LYPLAL1: variants seen among roughly 807,000 people sequenced by gnomAD.
The protein encoded by LYPLAL1 is lysophospholipase like 1.
A neutral mutation model predicts 19.7 loss-of-function variants in LYPLAL1; 23 were observed. That is an observed-to-expected ratio of 1.17 (90% confidence interval 0.84 to 1.65). The LOEUF is 1.65. LYPLAL1 is among the 40% of genes most tolerant of loss of function. The probability of loss-of-function intolerance (pLI) is 0.00; values close to 1 mark genes in which losing one functional copy is unlikely to be tolerated. For missense variants in LYPLAL1, 355 were observed against 279.4 expected, an observed-to-expected ratio of 1.27 and a Z score of -1.93; for synonymous variants, 119 against 96.3, an observed-to-expected ratio of 1.24 and a Z score of -1.38.
chr1:219,354,071 C>T, the LYPLAL1 span, among the ~76,000 whole-genome samples: 1 of 151,990 alleles, frequency 6.6e-6, no homozygotes, highest in African/African-American at 2.4e-5. Flanking sequence ...AACTGAAGTA[C>T]AGAGAAGAAA....
In LYPLAL1 at chr1:219,211,818, A is replaced by G; in HGVS notation, c.*90A>G. 1.2e-6 allele frequency: 1 copy of G among 822,880 alleles called. No individual in the cohort carries two copies. Among genetic ancestry groups the G allele is most frequent in the Non-Finnish European group, 1.9e-6 (1 of 538,282 alleles). 51.0% of individuals were successfully genotyped at this position (822,880 alleles called of 1,614,324 possible). A position where few individuals can be genotyped will look rare whatever the true frequency, so the allele number is the denominator to read the frequency against. On this transcript the variant is annotated 3_prime_UTR_variant, in exon 5 of 5. Coordinates refer to ENST00000366928, the MANE Select transcript of LYPLAL1 (RefSeq NM_138794.5). ...AATTATAATGATAATTAAAATATTA[A>G]GAAATAACACTTTCCTGACTTTTTT... is the stretch of plus-strand genomic sequence containing the variant.
chr1:219,309,417 G>T, the LYPLAL1 span, among the ~76,000 whole-genome samples: 1 of 152,226 alleles, frequency 6.6e-6, no homozygotes, highest in East Asian at 1.9e-4. Context: ...AGGCATAATT[G>T]GTTTTGAAAT....
the LYPLAL1 span, among the ~76,000 whole-genome samples, chr1:219,250,876 G>T: frequency 6.6e-6 from 1 of 151,846 alleles, no homozygotes; most frequent in East Asian, 1.9e-4. Context: ...TTGAGGAATC[G>T]CCATACTGCT....
the LYPLAL1 span, among the ~76,000 whole-genome samples, chr1:219,434,554 C>G: frequency 6.6e-6 from 1 of 152,190 alleles, no homozygotes; most frequent in Non-Finnish European, 1.5e-5. Flanking sequence ...TAATGCATTT[C>G]TATGAAATTA....
At chr1:219,419,246 C>T in the LYPLAL1 span, among the ~76,000 whole-genome samples, 1 of 152,108 alleles carries the variant, frequency 6.6e-6, no homozygotes, top group Non-Finnish European at 1.5e-5. Flanking sequence ...AACCATCTTC[C>T]CACTGTTTAG....
At chr1:219,264,051 C>G in the LYPLAL1 span, among the ~76,000 whole-genome samples, 1 of 152,206 alleles carries the variant, frequency 6.6e-6, no homozygotes, top group East Asian at 1.9e-4. Context: ...TGTCTCCCAT[C>G]TGCCATTTTC....
the LYPLAL1 span, among the ~76,000 whole-genome samples, chr1:219,382,084 G>C: frequency 6.6e-6 from 1 of 152,134 alleles, no homozygotes; most frequent in African/African-American, 2.4e-5. Flanking sequence ...TATTGTCCAG[G>C]GTGTGTTGGT....
chr1:219,244,352 A>T, the LYPLAL1 span, among the ~76,000 whole-genome samples: 1 of 152,226 alleles, frequency 6.6e-6, no homozygotes, highest in Non-Finnish European at 1.5e-5. Flanking sequence ...TGATAGGAGA[A>T]TGCCTCTTGG....
chr1:219,305,956 G>C, the LYPLAL1 span, among the ~76,000 whole-genome samples: 12 of 152,150 alleles, frequency 7.9e-5, no homozygotes, highest in African/African-American at 2.4e-4. Flanking sequence ...CCCATTTCCA[G>C]ATTAAAGATA....
chr1:219,331,716 C>G, the LYPLAL1 span, among the ~76,000 whole-genome samples: 3 of 152,236 alleles, frequency 2.0e-5, no homozygotes, highest in Non-Finnish European at 4.4e-5. Context: ...GGTATTGGAG[C>G]CAACAATCCA....
At chr1:219,268,739 T>A in the LYPLAL1 span, among the ~76,000 whole-genome samples, 1 of 152,216 alleles carries the variant, frequency 6.6e-6, no homozygotes, top group South Asian at 2.1e-4. Context: ...AGGGAAACTC[T>A]TGTCAATTTC....
the LYPLAL1 span, among the ~76,000 whole-genome samples, chr1:219,415,961 G>A: frequency 7.2e-5 from 11 of 152,160 alleles, no homozygotes; most frequent in South Asian, 1.9e-3. Flanking sequence ...GTCATTTTTC[G>A]TCAGTTTTGA....
the LYPLAL1 span, among the ~76,000 whole-genome samples, chr1:219,309,693 C>T: frequency 6.6e-6 from 1 of 152,178 alleles, no homozygotes; most frequent in Non-Finnish European, 1.5e-5. Context: ...TAAGAAATGC[C>T]TTTTGCCTTC....
At chr1:219,325,102 A>T in the LYPLAL1 span, among the ~76,000 whole-genome samples, 2 of 152,158 alleles carry the variant, frequency 1.3e-5, no homozygotes, top group Non-Finnish European at 1.5e-5. Context: ...AAATAAATGA[A>T]TACCTCTCAA....
At chr1:219,254,977 A>G in the LYPLAL1 span, among the ~76,000 whole-genome samples, 1 of 151,554 alleles carries the variant, frequency 6.6e-6, no homozygotes, top group Middle Eastern at 3.4e-3. Context: ...ATTCTTTTTT[A>G]TTTATTTTTG....
chr1:219,266,093 A>G, the LYPLAL1 span, among the ~76,000 whole-genome samples: 3 of 152,140 alleles, frequency 2.0e-5, no homozygotes, highest in African/African-American at 4.8e-5. Flanking sequence ...TCTTTCTTCA[A>G]TAATAAATTA....
chr1:219,366,892 C>G, the LYPLAL1 span, among the ~76,000 whole-genome samples: 1 of 151,942 alleles, frequency 6.6e-6, no homozygotes, highest in East Asian at 1.9e-4. Context: ...TTGTGAATGT[C>G]TTTACTTCCA....
the LYPLAL1 span, among the ~76,000 whole-genome samples, chr1:219,387,731 G>C: frequency 1.3e-5 from 2 of 152,132 alleles, no homozygotes; most frequent in Non-Finnish European, 2.9e-5. Flanking sequence ...ATGTGATGGT[G>C]GGGAATATGT....
At chr1:219,325,245 T>G in the LYPLAL1 span, among the ~76,000 whole-genome samples, 1 of 152,212 alleles carries the variant, frequency 6.6e-6, no homozygotes, top group African/African-American at 2.4e-5. Context: ...TGACTCATAA[T>G]GCGTTTCTCA....
Sources: gnomAD v4.1 joint callset for allele counts (sites outside exome capture counted in the v4.1 genomes callset) on GRCh38, gnomAD v4.1.1 for gene constraint, MANE v1.5 for transcripts, NCBI Gene and HGNC (gene_info 2026-07-23, HGNC 2026-07-21) for gene names.